The following ZNF722 variants were observed in gnomAD, a reference collection of about 807,000 sequenced individuals.
ZNF722 encodes zinc finger protein 479 pseudogene.
the ZNF722 span, among the ~76,000 whole-genome samples, chr7:64,002,644 C>A: frequency 1.3e-5 from 2 of 152,206 alleles, no homozygotes; most frequent in Admixed American, 6.5e-5. Flanking sequence ...TTAGTAGCAA[C>A]TCCCAGAGTG....
the ZNF722 span, among the ~76,000 whole-genome samples, chr7:64,011,806 G>A: frequency 5.5e-4 from 84 of 152,232 alleles, 2 homozygotes; most frequent in South Asian, 0.014. Context: ...GCCTTGCTAG[G>A]TTGGGGAAGT....
At chr7:64,003,633 T>C in the ZNF722 span, among the ~76,000 whole-genome samples, 1 of 152,212 alleles carries the variant, frequency 6.6e-6, no homozygotes, top group African/African-American at 2.4e-5. Flanking sequence ...TCAACTATTT[T>C]TTGTTATTTT....
At chr7:64,002,098 G>T in the ZNF722 span, among the ~76,000 whole-genome samples, 2 of 152,014 alleles carry the variant, frequency 1.3e-5, no homozygotes, top group Admixed American at 6.6e-5. Context: ...GGCCAGGCTG[G>T]TCTCAAACTC....
chr7:64,010,710 T>C, the ZNF722 span, among the ~76,000 whole-genome samples: 7 of 152,212 alleles, frequency 4.6e-5, no homozygotes, highest in African/African-American at 1.7e-4. Context: ...CTGAGAAGAA[T>C]GTACATTCCG....
At chr7:64,003,465 TTTCAGAGAAA>T in the ZNF722 span, among the ~76,000 whole-genome samples, 1 of 152,122 alleles carries the variant, frequency 6.6e-6, no homozygotes, top group Non-Finnish European at 1.5e-5. Context: ...TGAAAATACA[TTTCAGAGAAA>T]GAGGAGGAAA....
At chr7:64,004,657 T>G in the ZNF722 span, among the ~76,000 whole-genome samples, 2 of 151,870 alleles carry the variant, frequency 1.3e-5, no homozygotes, top group Non-Finnish European at 1.5e-5. Flanking sequence ...TAAGTACACT[T>G]AGGAGATTTA....
chr7:63,998,888 T>C, the ZNF722 span: 8 of 1,493,414 alleles, frequency 5.4e-6, no homozygotes, highest in Non-Finnish European at 7.4e-6. Flanking sequence ...AGTTCTTTTC[T>C]TCAGGGCTCT....
chr7:64,002,566 G>T, the ZNF722 span, among the ~76,000 whole-genome samples: 1 of 152,052 alleles, frequency 6.6e-6, no homozygotes, highest in Non-Finnish European at 1.5e-5. Flanking sequence ...TAAAAGTAAT[G>T]ATAGAGAAAC....
At chr7:64,013,472 G>A in the ZNF722 span, among the ~76,000 whole-genome samples, 1 of 151,340 alleles carries the variant, frequency 6.6e-6, no homozygotes, top group South Asian at 2.1e-4. Flanking sequence ...CTACATTAGA[G>A]ATTTTATAAA....
chr7:64,009,349 T>G, the ZNF722 span, among the ~76,000 whole-genome samples: 1 of 152,236 alleles, frequency 6.6e-6, no homozygotes, highest in Non-Finnish European at 1.5e-5. Context: ...TGCCAGTTTT[T>G]GCCCGTTCAG....
At chr7:64,000,672 A>G in the ZNF722 span, among the ~76,000 whole-genome samples, 1 of 151,348 alleles carries the variant, frequency 6.6e-6, no homozygotes, top group African/African-American at 2.4e-5. Flanking sequence ...GCTGGTCTCA[A>G]ACTCCTGGAC....
chr7:64,015,699 C>G, the ZNF722 span: 1 of 1,613,674 alleles, frequency 6.2e-7, no homozygotes, highest in Non-Finnish European at 8.5e-7. Context: ...ATCCTCAACC[C>G]TCAATGACCA....
the ZNF722 span, among the ~76,000 whole-genome samples, chr7:64,012,948 G>A: frequency 3.9e-5 from 6 of 152,052 alleles, no homozygotes; most frequent in Non-Finnish European, 7.4e-5. Context: ...CCTCACACTC[G>A]CATCATCTTT....
chr7:64,005,987 C>T, the ZNF722 span, among the ~76,000 whole-genome samples: 6 of 152,088 alleles, frequency 3.9e-5, no homozygotes, highest in Non-Finnish European at 7.4e-5. Context: ...CATAAAATAG[C>T]GTTTCCCACG....
At chr7:64,015,902 A>G in the ZNF722 span, 2 of 1,540,250 alleles carry the variant, frequency 1.3e-6, no homozygotes, top group Admixed American at 1.7e-5. Flanking sequence ...CTGGAGAGAA[A>G]CCCTACAAAA....
the ZNF722 span, among the ~76,000 whole-genome samples, chr7:64,007,246 A>ATATATATATATATATATATT: frequency 5.8e-4 from 85 of 145,620 alleles, 3 homozygotes; most frequent in African/African-American, 2.2e-3. Flanking sequence ...ATATATATAT[A>ATATATATATATATATATATT]TATATATATT....
chr7:63,998,873 G>T, the ZNF722 span: 2 of 1,426,624 alleles, frequency 1.4e-6, no homozygotes, highest in Non-Finnish European at 2.0e-6. Context: ...TGCGTCCCGA[G>T]CTCCAGTTCT....
At chr7:64,016,045 G>A in the ZNF722 span, 1 of 710,836 alleles carries the variant, frequency 1.4e-6, no homozygotes, top group Non-Finnish European at 2.2e-6. Flanking sequence ...GAAAATAAGA[G>A]AATCCATATT....
the ZNF722 span, chr7:64,016,274 G>A: frequency 5.3e-6 from 1 of 189,956 alleles, no homozygotes; most frequent in South Asian, 1.0e-4. Context: ...GAGTAGCTGG[G>A]ACTATAGGCA....
Sources: allele counts gnomAD v4.1 joint callset (sites outside exome capture counted in the v4.1 genomes callset), GRCh38; gene constraint gnomAD v4.1.1; transcripts MANE v1.5; gene names NCBI Gene and HGNC (gene_info 2026-07-23, HGNC 2026-07-21).